Variants in CDH18 observed in about 807,000 individuals in gnomAD.
The protein encoded by CDH18 is cadherin-18.
A neutral mutation model predicts 67.9 loss-of-function variants in CDH18; 31 were observed. That is an observed-to-expected ratio of 0.46 (90% CI 0.34 to 0.62). The LOEUF (loss-of-function observed/expected upper bound fraction) is 0.62, where lower values mean the gene tolerates loss of function less well. Among genes scored for constraint, CDH18 ranks in the 20% least tolerant of loss-of-function variants. The pLI, the probability that CDH18 is intolerant of heterozygous loss-of-function variation, is 0.01. For missense variants in CDH18, 890 were observed against 975.5 expected, an observed-to-expected ratio of 0.91 and a Z score of 1.17; for synonymous variants, 362 against 347.2, an observed-to-expected ratio of 1.04 and a Z score of -0.48.
intron 2 of CDH18, among the ~76,000 whole-genome samples, chr5:20,221,082 A>G (rs1741183283): frequency 6.6e-6 from 1 of 152,060 alleles, no homozygotes; most frequent in Non-Finnish European, 1.5e-5. Context: ...AAAAACTAAA[A>G]ACAGAATTAC....
chr5:20,154,084 A>G (rs1751342074), intron 2 of CDH18, among the ~76,000 whole-genome samples: 1 of 152,176 alleles, frequency 6.6e-6, no homozygotes, highest in Non-Finnish European at 1.5e-5. Context: ...AGGCCGTTAC[A>G]TTTACCATAA....
chr5:19,752,820 T>C (rs187623526), intron 3 of CDH18, among the ~76,000 whole-genome samples: 2 of 152,294 alleles, frequency 1.3e-5, no homozygotes, highest in Non-Finnish European at 2.9e-5. Flanking sequence ...CTGGTATTCA[T>C]GGCTGAGAGA....
chr5:20,378,209 T>C (rs1562015959), intron 1 of CDH18, among the ~76,000 whole-genome samples: 1 of 152,190 alleles, frequency 6.6e-6, no homozygotes, highest in Non-Finnish European at 1.5e-5. Context: ...AGTCTCCCGC[T>C]GTCGTCCAAG....
At chr5:20,399,972 T>C (rs554862929) in intron 1 of CDH18, among the ~76,000 whole-genome samples, 3 of 152,298 alleles carry the variant, frequency 2.0e-5, no homozygotes, top group East Asian at 3.9e-4. Context: ...TCTTACTTTA[T>C]ATATCATCAG....
chr5:19,985,553 A>G (rs1456200997), intron 1 of CDH18, among the ~76,000 whole-genome samples: 1 of 152,058 alleles, frequency 6.6e-6, no homozygotes, highest in East Asian at 1.9e-4. Context: ...TGGGTAGAGA[A>G]TAGGTATGCT....
intron 5 of CDH18, among the ~76,000 whole-genome samples, chr5:19,631,829 T>G (rs1166720911): frequency 1.3e-5 from 2 of 152,194 alleles, no homozygotes; most frequent in Middle Eastern, 3.2e-3. Context: ...CTGTCTCTTT[T>G]ACTTGGCAAT....
intron 1 of CDH18, among the ~76,000 whole-genome samples, chr5:19,986,274 T>C (rs1369349440): frequency 6.6e-6 from 1 of 152,218 alleles, no homozygotes; most frequent in Non-Finnish European, 1.5e-5. Flanking sequence ...TTGCTCATAC[T>C]TGTGACTGCT....
intron 1 of CDH18, among the ~76,000 whole-genome samples, chr5:20,258,675 C>T (rs1444103654): frequency 6.6e-6 from 1 of 151,924 alleles, no homozygotes; most frequent in Non-Finnish European, 1.5e-5. Flanking sequence ...CAATTCAATG[C>T]CCAATTCTTA....
intron 1 of CDH18, chr5:20,304,098 T>C (rs1736195350): frequency 6.2e-7 from 1 of 1,610,918 alleles, no homozygotes. Flanking sequence ...GCATCCTCGC[T>C]GGTGTTTACC....
chr5:19,859,989 G>GGGGGGTGT (rs143069229), intron 2 of CDH18, among the ~76,000 whole-genome samples: 5 of 143,248 alleles, frequency 3.5e-5, no homozygotes, highest in African/African-American at 1.3e-4. Context: ...GTTTGCTTTG[G>GGGGGGTGT]GTGTGTGTGT....
intron 2 of CDH18, among the ~76,000 whole-genome samples, chr5:19,844,656 A>G (rs1016533092): frequency 1.3e-5 from 2 of 152,210 alleles, no homozygotes; most frequent in African/African-American, 4.8e-5. Context: ...TGATATGCTC[A>G]AATGATGGAA....
Position 20,560,511 on chromosome 5 carries a change from A to ACACC in CDH18, c.-580+14950_-580+14951insGGTG, listed in dbSNP as rs1197460480. 2.3e-3 allele frequency among the ~76,000 whole-genome samples: 330 copies of ACACC among 146,280 alleles called. 2 individuals carry two copies. Among genetic ancestry groups the ACACC allele is most frequent in the African/African-American group, 7.3e-3 (286 of 38,998 alleles). ...CACACACACACACACACACACACAC[A>ACACC]CCCCTACATTCACAAATCCATTAAG... On this transcript the variant is annotated intron_variant, in intron 1 of 14. Transcript: ENST00000507958.
chr5:19,497,244 TA>T (rs1742500728), intron 11 of CDH18, among the ~76,000 whole-genome samples: 2 of 151,904 alleles, frequency 1.3e-5, no homozygotes. Flanking sequence ...ATGTTAAAAA[TA>T]AAGAATTTCA....
At chr5:20,033,367 C>T (rs1739567585) in intron 2 of CDH18, among the ~76,000 whole-genome samples, 1 of 151,976 alleles carries the variant, frequency 6.6e-6, no homozygotes, top group Non-Finnish European at 1.5e-5. Flanking sequence ...GCCTAGAGCA[C>T]AGCTGCTGTG....
chr5:20,326,169 T>C (rs1449533162), intron 1 of CDH18, among the ~76,000 whole-genome samples: 3 of 152,152 alleles, frequency 2.0e-5, no homozygotes, highest in African/African-American at 7.2e-5. Flanking sequence ...TAACATCACT[T>C]AGGATGTGCC....
intron 1 of CDH18, among the ~76,000 whole-genome samples, chr5:20,516,339 T>TG (rs1215612236): frequency 3.3e-5 from 5 of 152,014 alleles, no homozygotes; most frequent in Non-Finnish European, 5.9e-5. Context: ...AAAAGCAGTT[T>TG]GGATAGGTTT....
intron 1 of CDH18, among the ~76,000 whole-genome samples, chr5:20,500,184 T>C (rs1272468570): frequency 6.6e-6 from 1 of 152,170 alleles, no homozygotes; most frequent in Non-Finnish European, 1.5e-5. Context: ...AATGCCTTCT[T>C]TTCTACAGTT....
At chr5:19,654,842 G>A (rs571211627) in intron 5 of CDH18, among the ~76,000 whole-genome samples, 1 of 152,216 alleles carries the variant, frequency 6.6e-6, no homozygotes, top group African/African-American at 2.4e-5. Flanking sequence ...ATCTTCCCCT[G>A]GAGTTTGACC....
At chr5:20,442,163 C>A (rs1303222175) in intron 1 of CDH18, among the ~76,000 whole-genome samples, 2 of 151,798 alleles carry the variant, frequency 1.3e-5, no homozygotes, top group Non-Finnish European at 2.9e-5. Context: ...GAATGCAGTA[C>A]CCCTGGTAAC....
Sources: gnomAD v4.1 joint callset for allele counts (sites outside exome capture counted in the v4.1 genomes callset) on GRCh38, gnomAD v4.1.1 for gene constraint, MANE v1.5 for transcripts, NCBI Gene and HGNC (gene_info 2026-07-23, HGNC 2026-07-21) for gene names.